MUC3A: variants seen among roughly 807,000 people sequenced by gnomAD.
MUC3A encodes the protein mucin-3A.
Under a neutral mutation model 109.0 loss-of-function variants are expected in MUC3A, and 109 were observed. That is an observed-to-expected ratio of 1.00 (90% CI 0.86 to 1.17). MUC3A has a LOEUF of 1.17. Among genes scored for constraint, MUC3A ranks in the 50% most tolerant of loss-of-function variants. The pLI, the probability that MUC3A is intolerant of heterozygous loss-of-function variation, is 0.00. For missense variants in MUC3A, 3,537 were observed against 2,469.4 expected, an observed-to-expected ratio of 1.43 and a Z score of -9.16; for synonymous variants, 1,398 against 981.4, an observed-to-expected ratio of 1.42 and a Z score of -7.93.
chr7:100,964,381 G>A, intron 5 of MUC3A: 1 of 362,640 alleles, frequency 2.8e-6, no homozygotes, highest in Non-Finnish European at 4.9e-6. Context: ...GATCACTTTA[G>A]CCCAGGAGTT....
At chr7:100,963,937 T>G (rs1201247848) in intron 5 of MUC3A, 185 bp downstream of exon 5, 2 of 809,558 alleles carry the variant, frequency 2.5e-6, no homozygotes, top group African/African-American at 1.7e-5. Context: ...GGAGGAGGGG[T>G]GGCACCTCTC....
In MUC3A at chr7:100,949,604, A is replaced by T; in HGVS notation, c.-21A>T. 6.5e-7 allele frequency: 1 copy of T among 1,544,102 alleles called. No homozygotes were observed. The highest frequency in any genetic ancestry group is 1.4e-5 in the African/African-American group (1 of 73,688). The stretch of plus-strand genomic sequence containing the variant: ...TTGGTCCTGAAGCCTGTTCTGCCCC[A>T]GCCCCCTGCCCGCTGGGCCCATGCA... On this transcript the variant is annotated 5_prime_UTR_variant, in exon 1 of 12. Coordinates refer to ENST00000379458, the MANE Select transcript of MUC3A (RefSeq NM_005960.2).
chr7:100,963,920 T>C (rs1792430935), intron 5 of MUC3A, 168 bp downstream of exon 5: 4 of 950,768 alleles, frequency 4.2e-6, no homozygotes, highest in Non-Finnish European at 6.4e-6. Context: ...TCTGGGGCCA[T>C]TTATCTGGAG....
At position 100,959,826 on chromosome 7, in the gene MUC3A, T is replaced by C; in HGVS notation, c.8047T>C (p.Ser2683Pro). The C allele has an allele frequency of 6.3e-7, 1 of 1,581,402 alleles. No individual in the cohort carries two copies. ...ILTSFSTIIW[S>P]STPTIIMSSS... is the part of the protein sequence containing the mutation. ...GACTTCTTTTAGTACCATCATCTGG[T>C]CCTCAACACCCACTATTATCATGTC... Residue 2683 changes from serine to proline, a missense_variant, in exon 2 of 12, where the codon TCC becomes CCC. By Grantham distance (74) the Ser-to-Pro change is moderately conservative. Transcript: ENST00000379458.
chr7:100,964,593 C>CT (rs1220024001), intron 5 of MUC3A, 102 bp from the exon 6 acceptor site: 6 of 1,330,962 alleles, frequency 4.5e-6, no homozygotes, highest in African/African-American at 3.2e-5. Flanking sequence ...GACCTCTGCT[C>CT]CCTTCCCCCT....
Position 100,955,333 on chromosome 7 carries a change from C to T in MUC3A, c.3554C>T (p.Thr1185Ile), listed in dbSNP as rs1244923501. 1.6e-5 allele frequency: 12 copies of T among 741,066 alleles called. No homozygotes were observed. Among genetic ancestry groups the T allele is most frequent in the South Asian group, 2.9e-5 (2 of 70,150 alleles). The allele number at this position is 741,066 out of a possible 1,614,324, so 45.9% of individuals were successfully genotyped here. The change falls in exon 2 of 12, where the codon ACC becomes ATC. Residue 1185 changes from threonine (T) to isoleucine (I), a missense_variant. Coordinates refer to ENST00000379458, the MANE Select transcript of MUC3A (RefSeq NM_005960.2). ...PTSGTMVTST[T>I]MTPSSLSTDT... ...TCAGGTACCATGGTAACTTCCACAA[C>T]CATGACCCCATCTTCTCTGAGTACA...
At chr7:100,963,303 T>TTTTTTTTTTTTGA in intron 4 of MUC3A, 37 bp downstream of exon 4, 7 of 1,393,080 alleles carry the variant, frequency 5.0e-6, no homozygotes, top group Non-Finnish European at 6.8e-6. Flanking sequence ...TTTTTTTTTT[T>TTTTTTTTTTTTGA]GAGGTGTAGT....
chr7:100,966,670 G>A lies in MUC3A; in HGVS notation c.9804G>A (p.Arg3268=), dbSNP rs1792579550. The A allele has an allele frequency of 2.5e-6, 4 of 1,598,434 alleles. No individual in the cohort carries two copies. In the South Asian group the frequency reaches 4.4e-5, roughly 18 times the overall value. ...QRRGRSWDQD[R]KWFETWDEEV... The stretch of plus-strand genomic sequence containing the variant: ...CACCTAGGTCCTGGGACCAGGACAG[G>A]AAATGGTTCGAGACCTGGGATGAGG... Residue 3268 remains arginine (R), a synonymous_variant, in exon 10 of 12, where the codon AGG becomes AGA. Transcript: ENST00000379458.
In MUC3A at chr7:100,966,947, T is replaced by C. The variant is rs759253337; in HGVS notation, c.9926T>C (p.Met3309Thr). The C allele has an allele frequency of 8.1e-6, 13 of 1,598,416 alleles. No individual in the cohort carries two copies. The highest frequency in any genetic ancestry group is 1.1e-5 in the South Asian group (1 of 91,096). Residue 3309 changes from methionine to threonine, a missense_variant, in exon 11 of 12, where the codon ATG (methionine) becomes ACG (threonine). Physicochemically the swap from Met to Thr is moderately conservative, Grantham distance 81 (BLOSUM62 -1). Transcript: ENST00000379458. ...YVALENVDTT[M>T]KVHIKRPEMT... is the part of the protein sequence containing the mutation. The stretch of plus-strand genomic sequence containing the variant: ...GCCTTGGAGAACGTGGACACCACTA[T>C]GAAGGTGAGGGGCTAAAGAGGGGGA...
Position 100,964,696 on chromosome 7 carries a change from A to G in MUC3A, c.9235A>G (p.Asn3079Asp). 1.3e-6 allele frequency: 2 copies of G among 1,598,096 alleles called. No individual in the cohort carries two copies. The highest frequency in any genetic ancestry group is 1.7e-6 in the Non-Finnish European group (2 of 1,179,528). The change falls in exon 6 of 12, where the codon AAT becomes GAT. Residue 3079 changes from asparagine (N) to aspartate (D), a missense_variant and splice_region_variant. By Grantham distance (23) the Asn-to-Asp change is conservative. Coordinates refer to ENST00000379458, the MANE Select transcript of MUC3A (RefSeq NM_005960.2). The stretch of plus-strand genomic sequence containing the variant: ...TCTCTAAGGCTGTGGACCCCTCAGG[A>G]ATGGCAGCATCGTGGTGGACTACCT... ...FKGVEILSLR[N>D]GSIVVDYLVL...
In MUC3A at chr7:100,954,073, C is replaced by A. The variant is rs1438201661; in HGVS notation, c.2294C>A (p.Thr765Asn). 2.4e-6 allele frequency: 1 copy of A among 412,008 alleles called. No homozygotes were observed. The highest frequency in any genetic ancestry group is 4.0e-6 in the Non-Finnish European group (1 of 247,230). 25.5% of individuals were successfully genotyped at this position (412,008 alleles called of 1,614,324 possible). ...ACTCCTACCACAAACTTGGTAACCA[C>A]CACCACCAAGACCACCTCACATAGT... ...AKTPTTNLVT[T>N]TTKTTSHSTT... Residue 765 changes from threonine to asparagine, a missense_variant, in exon 2 of 12, where the codon ACC becomes AAC. Coordinates refer to ENST00000379458, the MANE Select transcript of MUC3A (RefSeq NM_005960.2).
In MUC3A at chr7:100,959,537, A is replaced by C; in HGVS notation, c.7758A>C (p.Ser2586=). The change falls in exon 2 of 12, where the codon TCA becomes TCC. Residue 2586 remains serine, a synonymous_variant. Coordinates refer to ENST00000379458, the MANE Select transcript of MUC3A (RefSeq NM_005960.2). ...TPTQTPPVLT[S]ATGTQTSPAP... ...CACAGACCCCTCCTGTACTGACGTC[A>C]GCCACTGGGACCCAAACATCTCCTG... The C allele has an allele frequency of 6.5e-7, 1 of 1,549,318 alleles. No homozygotes were observed.
At chr7:100,961,099 C>T (rs1278740340) in intron 3 of MUC3A, 162 bp downstream of exon 3, 1 of 981,380 alleles carries the variant, frequency 1.0e-6, no homozygotes, top group Non-Finnish European at 1.2e-6. Flanking sequence ...GTGTCATGCT[C>T]CTCTCCGTCC....
In MUC3A at chr7:100,952,367, G is replaced by A; in HGVS notation, c.588G>A (p.Arg196=). The A allele has an allele frequency of 1.9e-6, 3 of 1,598,516 alleles. No homozygotes were observed. Among genetic ancestry groups the A allele is most frequent in the South Asian group, 1.1e-5 (1 of 91,090 alleles). Residue 196 remains arginine, a synonymous_variant, in exon 2 of 12, where the codon AGG becomes AGA. Coordinates refer to ENST00000379458, the MANE Select transcript of MUC3A (RefSeq NM_005960.2). ...CTTCTCCCTCTACCACCACTGCAAG[G>A]GAAACTCCCATAGTGACAGTGACAC... ...MTSSPSTTTA[R]ETPIVTVTPS...
chr7:100,967,656 C>A lies in MUC3A; in HGVS notation c.*494C>A. ...TGAACCTGGAGGCAGCCTGCAGCCCCATCCCATCTCCTGCCCTCTCCTGAT... is the reference window on the plus strand; with the variant it reads ...TGAACCTGGAGGCAGCCTGCAGCCCAATCCCATCTCCTGCCCTCTCCTGAT... On this transcript the variant is annotated 3_prime_UTR_variant, in exon 12 of 12. Transcript: ENST00000379458. The A allele has an allele frequency of 4.1e-6, 1 of 243,120 alleles. No homozygotes were observed. Among genetic ancestry groups the A allele is most frequent in the Non-Finnish European group, 8.0e-6 (1 of 124,318 alleles). 15.1% of individuals were successfully genotyped at this position (243,120 alleles called of 1,614,324 possible).
chr7:100,959,919 C>T lies in MUC3A; in HGVS notation c.8140C>T (p.Pro2714Ser), dbSNP rs777622597. Reference sequence around the variant, plus strand: ...TACCATTCATTCTGTTCCTTCTTCACCATACATTTTCAGTACAGAAAATGT... The same window carrying T: ...TACCATTCATTCTGTTCCTTCTTCATCATACATTTTCAGTACAGAAAATGT... ...STTIHSVPSS[P>S]YIFSTENVGS... Residue 2714 changes from proline (P) to serine (S), a missense_variant, in exon 2 of 12, where the codon CCA becomes TCA. Transcript: ENST00000379458. The T allele has an allele frequency of 4.0e-6, 6 of 1,516,448 alleles. No homozygotes were observed. Among genetic ancestry groups the T allele is most frequent in the African/African-American group, 2.8e-5 (2 of 72,194 alleles). The allele number at this position is 1,516,448 out of a possible 1,614,324, so 93.9% of individuals were successfully genotyped here. A position where few individuals can be genotyped will look rare whatever the true frequency, so the allele number is the denominator to read the frequency against.
intron 5 of MUC3A, 92 bp from the exon 6 acceptor site, chr7:100,964,603 T>G: frequency 6.7e-7 from 1 of 1,498,742 alleles, no homozygotes; most frequent in Non-Finnish European, 8.9e-7. Context: ...CCCTTCCCCC[T>G]TCTGGTGCAC....
rs78250618 is a variant in MUC3A, at chr7:100,958,936, T to C, written c.7157T>C (p.Leu2386Ser). 1.2e-3 allele frequency: 1,235 copies of C among 1,020,414 alleles called. 5 individuals are homozygous for C. In the Middle Eastern group the frequency reaches 0.057, roughly 47 times the overall value. The allele number at this position is 1,020,414 out of a possible 1,614,324, so 63.2% of individuals were successfully genotyped here. A position where few individuals can be genotyped will look rare whatever the true frequency, so the allele number is the denominator to read the frequency against. ...SSSITTTETP[L>S]HSTPGLTSWV... ...TCAATCACCACCACTGAGACCCCCT[T>C]ACACAGTACTCCTGGCCTCACTTCG... Residue 2386 changes from leucine (L) to serine (S), a missense_variant, in exon 2 of 12, where the codon TTA becomes TCA. Transcript: ENST00000379458.
intron 5 of MUC3A, chr7:100,964,181 A>C (rs1485581693): frequency 6.8e-6 from 2 of 293,548 alleles, no homozygotes; most frequent in African/African-American, 4.3e-5. Flanking sequence ...TCACACTTGC[A>C]ATCCTAGCAC....
Sources: gnomAD v4.1 joint callset for allele counts on GRCh38, gnomAD v4.1.1 for gene constraint, MANE v1.5 for transcripts, NCBI Gene and HGNC (gene_info 2026-07-23, HGNC 2026-07-21) for gene names.